The following TBK1 variants were observed in gnomAD, a reference collection of about 807,000 sequenced individuals.
TBK1 encodes TANK binding kinase 1.
TBK1 carries 37 observed loss-of-function variants against 99.9 expected under a neutral mutation model. The ratio of observed to expected loss-of-function variants is 0.37; its 90% CI spans 0.28 to 0.49. The LOEUF is 0.49. Among genes scored for constraint, TBK1 ranks in the 20% least tolerant of loss-of-function variants. TBK1 has a pLI of 0.98. For missense variants in TBK1, 644 were observed against 872.5 expected, an observed-to-expected ratio of 0.74 and a Z score of 3.30; for synonymous variants, 258 against 279.8, an observed-to-expected ratio of 0.92 and a Z score of 0.78.
At chr12:64,475,724 T>G (rs2040704882) in intron 6 of TBK1, among the ~76,000 whole-genome samples, 1 of 152,228 alleles carries the variant, frequency 6.6e-6, no homozygotes, top group African/African-American at 2.4e-5. Flanking sequence ...CATAGTATTC[T>G]ACAGTGTATG....
In TBK1 at chr12:64,498,502, A is replaced by G. The variant is rs527835710; in HGVS notation, c.2138+463A>G. Among the ~76,000 whole-genome samples, 9 of 152,390 alleles carry G rather than the reference A, an allele frequency of 5.9e-5. No individual in the cohort carries two copies. The South Asian group carries it at 1.2e-3, about 21-fold the overall frequency. On this transcript the variant is annotated intron_variant, in intron 20 of 20. Coordinates refer to ENST00000331710, the MANE Select transcript of TBK1 (RefSeq NM_013254.4). ...ATAGATAAGGCCAAAGAGATTTGAA[A>G]GCCTGCAGAGGCAATAAAGCAATTT...
intron 1 of TBK1, among the ~76,000 whole-genome samples, chr12:64,453,529 A>G (rs181484842): frequency 6.6e-6 from 1 of 152,344 alleles, no homozygotes; most frequent in East Asian, 1.9e-4. Context: ...GGGTAGTAAA[A>G]TTATATAAAA....
At chr12:64,477,794 T>A (rs367888990) in intron 6 of TBK1, among the ~76,000 whole-genome samples, 1 of 152,210 alleles carries the variant, frequency 6.6e-6, no homozygotes. Context: ...ATGGCTCTTA[T>A]TATTTTGAGA....
rs1204514761 is a variant in TBK1 at position 64,483,805 on chromosome 12, G to A, written c.993-498G>A. Among the ~76,000 whole-genome samples the A allele has an allele frequency of 2.6e-5, 4 of 152,244 alleles. No homozygotes were observed. In the East Asian group the frequency reaches 5.8e-4, roughly 22 times the overall value. Reference sequence around the variant, plus strand: ...GTGTATCACTTGAGGCCAGGAGTTCGAAACCAGCCTGGCCAGCATGGCGTA... The same window carrying A: ...GTGTATCACTTGAGGCCAGGAGTTCAAAACCAGCCTGGCCAGCATGGCGTA... On this transcript the variant is annotated intron_variant, in intron 8 of 20. Transcript: ENST00000331710.
chr12:64,492,900 T>G (rs1428916543), intron 13 of TBK1, among the ~76,000 whole-genome samples: 1 of 148,428 alleles, frequency 6.7e-6, no homozygotes, highest in Non-Finnish European at 1.5e-5. Flanking sequence ...TTTGTTTGTT[T>G]TTTTTTTTTT....
In TBK1 at chr12:64,481,885, G is replaced by C. The variant is rs1361172917; in HGVS notation, c.856G>C (p.Glu286Gln). The C allele has an allele frequency of 6.2e-7, 1 of 1,609,280 alleles. No individual in the cohort carries two copies. The highest frequency in any genetic ancestry group is 8.5e-7 in the Non-Finnish European group (1 of 1,178,164). ...TACCCCTGTTCTTGCAAACATCCTT[G>C]AAGCAGATCAGGAAAAGTGTTGGGG... is the stretch of plus-strand genomic sequence containing the variant. ...LLTPVLANIL[E>Q]ADQEKCWGFD... Residue 286 changes from glutamate to glutamine, a missense_variant, in exon 8 of 21, where the codon GAA (glutamate) becomes CAA (glutamine). Around this residue, in one of 3 missense-constraint regions of TBK1, gnomAD observed 465 missense variants for 588.0 expected, o/e 0.79. Coordinates refer to ENST00000331710, the MANE Select transcript of TBK1 (RefSeq NM_013254.4).
intron 4 of TBK1, among the ~76,000 whole-genome samples, chr12:64,466,018 G>A (rs369745749): frequency 1.4e-4 from 21 of 152,202 alleles, no homozygotes; most frequent in African/African-American, 5.1e-4. Context: ...AAAAAGTCAA[G>A]TGATAAGGTA....
In TBK1 at chr12:64,496,854, T is replaced by C; in HGVS notation, c.1761-95T>C. 3 of 784,122 alleles carry C rather than the reference T, an allele frequency of 3.8e-6. No individual in the cohort carries two copies. The South Asian group carries it at 6.2e-5, about 16-fold the overall frequency. 48.6% of individuals were successfully genotyped at this position (784,122 alleles called of 1,614,324 possible). A position where few individuals can be genotyped will look rare whatever the true frequency, so the allele number is the denominator to read the frequency against. On this transcript the variant is annotated intron_variant, in intron 16 of 20. Coordinates refer to ENST00000331710, the MANE Select transcript of TBK1 (RefSeq NM_013254.4). ...TATTCTAAAGCCACAACAATCATTA[T>C]AGGAAAGATACATTTCATATATTTG...
chr12:64,459,243 A>T (rs1489132251), intron 2 of TBK1, among the ~76,000 whole-genome samples: 4 of 152,180 alleles, frequency 2.6e-5, no homozygotes, highest in Non-Finnish European at 5.9e-5. Flanking sequence ...AATGGGGGAA[A>T]ATGTAAGGCT....
rs756751089 is a variant in TBK1 at position 64,485,466 on chromosome 12, A to G, written c.1201A>G (p.Lys401Glu). 15 of 1,556,480 alleles carry G rather than the reference A, an allele frequency of 9.6e-6. No homozygotes were observed. Among genetic ancestry groups the G allele is most frequent in the African/African-American group, 1.4e-5 (1 of 73,318 alleles). ...GLIYEKISLP[K>E]VHPRYDLDGD... is the part of the protein sequence containing the mutation. The stretch of plus-strand genomic sequence containing the variant: ...ACTTCATATTTCAGTTTCCCTCCCT[A>G]AAGTACATCCACGTTATGATTTAGA... Residue 401 changes from lysine (K) to glutamate (E), a missense_variant, in exon 10 of 21, where the codon AAA becomes GAA. Transcript: ENST00000331710.
At chr12:64,493,402 G>A (rs1057179560) in intron 13 of TBK1, among the ~76,000 whole-genome samples, 3 of 151,544 alleles carry the variant, frequency 2.0e-5, no homozygotes, top group South Asian at 2.1e-4. Context: ...TGAGGTAGGC[G>A]GATCACTTGA....
At chr12:64,487,374 G>C (rs1156253805) in intron 11 of TBK1, among the ~76,000 whole-genome samples, 2 of 152,036 alleles carry the variant, frequency 1.3e-5, no homozygotes, top group East Asian at 1.9e-4. Flanking sequence ...TACCCACCCC[G>C]TCTTGCAAAA....
chr12:64,496,805 G>T, intron 16 of TBK1, 144 bp from the exon 17 acceptor site: 1 of 602,332 alleles, frequency 1.7e-6, no homozygotes, highest in Non-Finnish European at 2.9e-6. Context: ...GTCTATCTTA[G>T]AAACGTTTAC....
At chr12:64,488,722 G>C in intron 12 of TBK1, 134 bp downstream of exon 12, 1 of 664,912 alleles carries the variant, frequency 1.5e-6, no homozygotes, top group South Asian at 2.0e-5. Flanking sequence ...GGCCTGGCAC[G>C]GTGGCTCATG....
At chr12:64,457,309 T>C (rs951588006) in intron 2 of TBK1, among the ~76,000 whole-genome samples, 3 of 152,172 alleles carry the variant, frequency 2.0e-5, no homozygotes, top group African/African-American at 7.2e-5. Flanking sequence ...TTAGCTTTCC[T>C]CCCCCTGTAT....
intron 13 of TBK1, among the ~76,000 whole-genome samples, chr12:64,493,242 T>A (rs1268510495): frequency 1.3e-5 from 2 of 152,152 alleles, no homozygotes; most frequent in Non-Finnish European, 2.9e-5. Flanking sequence ...AAGTAAAATT[T>A]ATAAGTAGAA....
intron 4 of TBK1, 47 bp downstream of exon 4, chr12:64,464,510 AAC>A (rs774708427): frequency 9.1e-6 from 13 of 1,423,552 alleles, no homozygotes; most frequent in Middle Eastern, 2.6e-4. Context: ...AAAATTTAAT[AAC>A]AGAATTTTTA....
chr12:64,484,584 C>A, intron 9 of TBK1, 85 bp downstream of exon 9: 2 of 1,348,644 alleles, frequency 1.5e-6, no homozygotes, highest in Non-Finnish European at 2.0e-6. Context: ...CTTGTCTCTA[C>A]AAAAAAATAA....
intron 13 of TBK1, 114 bp from the exon 14 acceptor site, chr12:64,495,369 T>C: frequency 7.6e-7 from 1 of 1,313,186 alleles, no homozygotes; most frequent in Non-Finnish European, 1.0e-6. Flanking sequence ...TACTGTGCCT[T>C]TGAATTGAAG....
Sources: gnomAD v4.1 joint callset for allele counts (sites outside exome capture counted in the v4.1 genomes callset) on GRCh38, gnomAD v4.1.1 for gene constraint, gnomAD v4.1.1 regional missense constraint, MANE v1.5 for transcripts, NCBI Gene and HGNC (gene_info 2026-07-23, HGNC 2026-07-21) for gene names.